KCNH7: variants seen among roughly 807,000 people sequenced by gnomAD.
The protein encoded by KCNH7 is voltage-gated inwardly rectifying potassium channel KCNH7.
A neutral mutation model predicts 120.8 loss-of-function variants in KCNH7; 49 were observed. The observed-to-expected ratio is 0.41, with a 90% CI of 0.32 to 0.51. The LOEUF (loss-of-function observed/expected upper bound fraction) is 0.51, where lower values mean the gene tolerates loss of function less well. KCNH7 is among the 20% of genes least tolerant of loss of function. The pLI is 0.38. For synonymous variants in KCNH7, 547 were observed against 516.1 expected, an observed-to-expected ratio of 1.06 and a Z score of -0.81; for missense variants, 1,097 against 1,446.6, an observed-to-expected ratio of 0.76 and a Z score of 3.92.
At chr2:162,380,067 T>C in intron 13 of KCNH7, 46 bp from the exon 14 acceptor site, 1 of 1,594,940 alleles carries the variant, frequency 6.3e-7, no homozygotes, top group Non-Finnish European at 8.6e-7. Context: ...AGGTGCCCCT[T>C]TGCGTCAATA....
At chr2:162,607,812 T>C (rs892751567) in intron 2 of KCNH7, among the ~76,000 whole-genome samples, 1 of 152,108 alleles carries the variant, frequency 6.6e-6, no homozygotes, top group Non-Finnish European at 1.5e-5. Flanking sequence ...ATTTTATATA[T>C]CTTTACATAA....
At chr2:162,697,032 G>A (rs1319222758) in intron 2 of KCNH7, among the ~76,000 whole-genome samples, 1 of 151,964 alleles carries the variant, frequency 6.6e-6, no homozygotes, top group Admixed American at 6.6e-5. Context: ...GATGGAGGGG[G>A]TCTCTTTATA....
At chr2:162,597,982 G>A (rs1353020357) in intron 2 of KCNH7, among the ~76,000 whole-genome samples, 1 of 151,928 alleles carries the variant, frequency 6.6e-6, no homozygotes, top group Admixed American at 6.6e-5. Flanking sequence ...ATTTCCCAGA[G>A]AATCTTTCTA....
intron 2 of KCNH7, among the ~76,000 whole-genome samples, chr2:162,732,152 G>C (rs894409580): frequency 2.0e-5 from 3 of 152,002 alleles, no homozygotes; most frequent in African/African-American, 7.2e-5. Context: ...GCAAATTCTA[G>C]GACGATTTAG....
chr2:162,652,502 G>A (rs140743931), intron 2 of KCNH7, among the ~76,000 whole-genome samples: 455 of 152,172 alleles, frequency 3.0e-3, no homozygotes, highest in Middle Eastern at 0.014. Flanking sequence ...CAGATCATTG[G>A]GCATTAGTTA....
At chr2:162,753,159 T>C (rs1688665223) in intron 2 of KCNH7, among the ~76,000 whole-genome samples, 1 of 151,764 alleles carries the variant, frequency 6.6e-6, no homozygotes, top group Admixed American at 6.6e-5. Context: ...CCTGTCTTTG[T>C]TTCTTTCTTA....
intron 6 of KCNH7, among the ~76,000 whole-genome samples, chr2:162,498,484 G>C (rs544768581): frequency 7.0e-6 from 1 of 142,478 alleles, no homozygotes; most frequent in Admixed American, 7.2e-5. Flanking sequence ...TGTGGACTCT[G>C]TGTGTGTGGG....
At chr2:162,744,020 T>C (rs1490766466) in intron 2 of KCNH7, among the ~76,000 whole-genome samples, 1 of 152,188 alleles carries the variant, frequency 6.6e-6, no homozygotes, top group Admixed American at 6.5e-5. Flanking sequence ...ACTAGTTTTC[T>C]ACTTCAAATC....
At chr2:162,651,683 C>T (rs56249723) in intron 2 of KCNH7, among the ~76,000 whole-genome samples, 20,093 of 152,028 alleles carry the variant, frequency 0.13, 1,513 homozygotes, top group East Asian at 0.33. Flanking sequence ...TGGGTGTTTA[C>T]GGTAGAATGA....
intron 6 of KCNH7, among the ~76,000 whole-genome samples, chr2:162,491,914 TCTC>T (rs1690323968): frequency 6.6e-6 from 1 of 152,126 alleles, no homozygotes; most frequent in Non-Finnish European, 1.5e-5. Flanking sequence ...AACTCTGTCT[TCTC>T]TTCGTGGATG....
chr2:162,702,843 C>T (rs1686562346), intron 2 of KCNH7, among the ~76,000 whole-genome samples: 1 of 152,080 alleles, frequency 6.6e-6, no homozygotes, highest in African/African-American at 2.4e-5. Context: ...TTTCTTCATC[C>T]TCTCTGGTCA....
chr2:162,649,835 C>A (rs912200921), intron 2 of KCNH7, among the ~76,000 whole-genome samples: 6 of 152,132 alleles, frequency 3.9e-5, no homozygotes, highest in Non-Finnish European at 7.4e-5. Flanking sequence ...CATTTACCTT[C>A]ATATATACAA....
intron 2 of KCNH7, among the ~76,000 whole-genome samples, chr2:162,733,918 G>A (rs962973878): frequency 4.6e-5 from 7 of 152,096 alleles, no homozygotes; most frequent in African/African-American, 7.2e-5. Flanking sequence ...GTCTCACCAT[G>A]TACCAGGTAT....
At chr2:162,437,931 A>T (rs1331465872) in intron 7 of KCNH7, among the ~76,000 whole-genome samples, 1 of 152,020 alleles carries the variant, frequency 6.6e-6, no homozygotes, top group Non-Finnish European at 1.5e-5. Flanking sequence ...GACTGCTCAG[A>T]CTCTGGTAGG....
chr2:162,645,159 A>AT (rs560353863), intron 2 of KCNH7, among the ~76,000 whole-genome samples: 186 of 150,898 alleles, frequency 1.2e-3, no homozygotes, highest in Non-Finnish European at 2.2e-3. Flanking sequence ...TTATTGAAGC[A>AT]TTTTTTTTTA....
chr2:162,494,102 A>G (rs1690415939), intron 6 of KCNH7, among the ~76,000 whole-genome samples: 1 of 152,194 alleles, frequency 6.6e-6, no homozygotes, highest in South Asian at 2.1e-4. Flanking sequence ...TTAAGATGAG[A>G]TAGAATTATG....
In KCNH7 at chr2:162,544,317, G is replaced by A. The variant is rs148092790; in HGVS notation, c.308-7237C>T. Among the ~76,000 whole-genome samples the A allele has an allele frequency of 4.4e-3, 668 of 152,226 alleles. 5 individuals carry two copies. Among genetic ancestry groups the A allele is most frequent in the Admixed American group, 7.4e-3 (113 of 15,282 alleles). ...CAATCTTTATTTCTGGACTGGGCTA[G>A]GTACCAGGATTAGCATTTGAAAGCA... On this transcript the variant is annotated intron_variant, in intron 2 of 15. Transcript: ENST00000332142.
intron 2 of KCNH7, among the ~76,000 whole-genome samples, chr2:162,578,614 G>T (rs1005897424): frequency 1.6e-4 from 25 of 152,028 alleles, no homozygotes; most frequent in African/African-American, 5.8e-4. Flanking sequence ...AAGAAAAACA[G>T]AAAACTGGAG....
intron 9 of KCNH7, 126 bp downstream of exon 9, chr2:162,423,210 A>G: frequency 6.4e-7 from 1 of 1,573,676 alleles, no homozygotes; most frequent in Non-Finnish European, 8.6e-7. Context: ...CCAGGGGAGA[A>G]AATACACATC....
Sources: gnomAD v4.1 joint callset for allele counts (sites outside exome capture counted in the v4.1 genomes callset) on GRCh38, gnomAD v4.1.1 for gene constraint, MANE v1.5 for transcripts, NCBI Gene and HGNC (gene_info 2026-07-23, HGNC 2026-07-21) for gene names.